Variants in TRAF3 observed in about 807,000 individuals in gnomAD.
TRAF3 encodes the protein TNF receptor associated factor 3, also known as TNF receptor-associated factor 3.
In TRAF3, 13 loss-of-function variants were observed where a neutral mutation model predicts 62.3. The observed-to-expected ratio is 0.21, with a 90% CI of 0.14 to 0.33. The LOEUF is 0.33. Ranked by LOEUF, TRAF3 falls within the 10% of genes least tolerant of loss-of-function variation. The pLI is 1.00. For synonymous variants in TRAF3, 269 were observed against 283.4 expected, an observed-to-expected ratio of 0.95 and a Z score of 0.51; for missense variants, 440 against 741.8, an observed-to-expected ratio of 0.59 and a Z score of 4.73.
Position 102,826,087 on chromosome 14 carries a change from C to T in TRAF3, c.-156-4247C>T, listed in dbSNP as rs1900293041. On this transcript the variant is annotated intron_variant, in intron 1 of 11. Coordinates refer to ENST00000392745, the MANE Select transcript of TRAF3 (RefSeq NM_145725.3). The surrounding 1 kb of genome is among the most constrained non-coding windows in gnomAD (Gnocchi z 4.6). ...AAAAGTTTTTCTGTAACTCGAATCC[C>T]TCCCACCCCCGTGAGGTAACAACGT... Among the ~76,000 whole-genome samples, 2 of 152,204 alleles carry T rather than the reference C, an allele frequency of 1.3e-5. No individual in the cohort carries two copies. Among genetic ancestry groups the T allele is most frequent in the Admixed American group, 1.3e-4 (2 of 15,278 alleles).
chr14:102,891,245 T>C (rs767276346), intron 8 of TRAF3, 80 bp from the exon 9 acceptor site: 24 of 1,327,912 alleles, frequency 1.8e-5, no homozygotes, highest in Non-Finnish European at 2.5e-5. Flanking sequence ...TTAGTGCTGC[T>C]TTTAGGGTCG....
In TRAF3 at chr14:102,782,681, TC is replaced by T. The variant is rs756565736; in HGVS notation, c.-157+5008del. On this transcript the variant is annotated intron_variant, in intron 1 of 11. Coordinates refer to ENST00000392745, the MANE Select transcript of TRAF3 (RefSeq NM_145725.3). The stretch of plus-strand genomic sequence containing the variant: ...AATTTACTTTTTTACTACGATTTGT[TC>T]CATGCTGATTTCGAGCATTAAAAAA... Among the ~76,000 whole-genome samples, 224 of 150,756 alleles carry T rather than the reference TC, an allele frequency of 1.5e-3. 1 individual carries two copies. Among genetic ancestry groups the T allele is most frequent in the Non-Finnish European group, 2.6e-3 (173 of 67,672 alleles).
At chr14:102,885,643 T>C (rs1043302395) in intron 6 of TRAF3, among the ~76,000 whole-genome samples, 3 of 152,224 alleles carry the variant, frequency 2.0e-5, no homozygotes, top group Admixed American at 2.0e-4. Context: ...CTAAAGATAA[T>C]GTAGATTAAG....
At chr14:102,802,235 AC>A (rs1431100307) in intron 1 of TRAF3, among the ~76,000 whole-genome samples, 1 of 133,952 alleles carries the variant, frequency 7.5e-6, no homozygotes, top group Non-Finnish European at 1.6e-5. Flanking sequence ...GCTCACTGCA[AC>A]CTCCGCCTCC....
At chr14:102,837,150 T>TG (rs35123618) in intron 2 of TRAF3, among the ~76,000 whole-genome samples, 31,026 of 140,642 alleles carry the variant, frequency 0.22, 4,384 homozygotes, top group Non-Finnish European at 0.31. Context: ...GTGTTTTTTT[T>TG]GGGGGGGGGT....
intron 6 of TRAF3, 66 bp downstream of exon 6, chr14:102,876,591 C>T (rs185573140): frequency 4.2e-5 from 66 of 1,574,920 alleles, no homozygotes; most frequent in African/African-American, 1.2e-4. Context: ...ACAGGCCTTC[C>T]GCTCAATTCG....
At chr14:102,828,564 C>T (rs1277873215) in intron 1 of TRAF3, among the ~76,000 whole-genome samples, 1 of 152,190 alleles carries the variant, frequency 6.6e-6, no homozygotes, top group Non-Finnish European at 1.5e-5. Context: ...ATTTTGTTTT[C>T]ATCTCTGTGT....
intron 10 of TRAF3, among the ~76,000 whole-genome samples, 200 bp downstream of exon 10, chr14:102,897,601 G>A (rs1006895509): frequency 1.3e-5 from 2 of 152,160 alleles, no homozygotes; most frequent in Non-Finnish European, 2.9e-5. Context: ...GCAGGTCAGC[G>A]TTTTCAAACT....
intron 1 of TRAF3, among the ~76,000 whole-genome samples, chr14:102,783,883 C>T (rs1192488805): frequency 6.6e-6 from 1 of 152,134 alleles, no homozygotes; most frequent in Non-Finnish European, 1.5e-5. Flanking sequence ...AATGGGGCTA[C>T]TAGCACCAGG....
intron 10 of TRAF3, among the ~76,000 whole-genome samples, chr14:102,902,092 A>G (rs1239263721): frequency 6.6e-6 from 1 of 152,254 alleles, no homozygotes; most frequent in Non-Finnish European, 1.5e-5. Context: ...CCACCCCTCC[A>G]GGTAGTGACA....
chr14:102,823,769 C>G (rs563354855), intron 1 of TRAF3, among the ~76,000 whole-genome samples: 5 of 152,264 alleles, frequency 3.3e-5, no homozygotes, highest in Admixed American at 1.3e-4. Flanking sequence ...ATACAATTAC[C>G]TATTTAAAGT....
At chr14:102,846,638 T>TAAAAAAAAAAAAAAAAAAAAAAAAAAA (rs752922791) in intron 2 of TRAF3, among the ~76,000 whole-genome samples, 4 of 71,786 alleles carry the variant, frequency 5.6e-5, no homozygotes, top group African/African-American at 2.5e-4. Context: ...TCCAGCTTCT[T>TAAAAAAAAAAAAAAAAAAAAAAAAAAA]AAAAAAAAAA....
At chr14:102,784,630 A>G (rs889969066) in intron 1 of TRAF3, among the ~76,000 whole-genome samples, 1 of 152,200 alleles carries the variant, frequency 6.6e-6, no homozygotes, top group African/African-American at 2.4e-5. Flanking sequence ...TGCTAAAGCT[A>G]AAAAGTCAGA....
intron 2 of TRAF3, among the ~76,000 whole-genome samples, chr14:102,849,657 T>G (rs1886920902): frequency 6.6e-6 from 1 of 152,192 alleles, no homozygotes; most frequent in South Asian, 2.1e-4. Context: ...TGTGTGACTG[T>G]GTTCTGCCTG....
chr14:102,852,509 A>C (rs1887104879), intron 2 of TRAF3, among the ~76,000 whole-genome samples: 1 of 152,040 alleles, frequency 6.6e-6, no homozygotes, highest in Non-Finnish European at 1.5e-5. Flanking sequence ...ATTTCTCCTT[A>C]ATTCTCTGCA....
At chr14:102,796,981 G>C (rs778899967) in intron 1 of TRAF3, among the ~76,000 whole-genome samples, 2 of 152,156 alleles carry the variant, frequency 1.3e-5, no homozygotes, top group African/African-American at 4.8e-5. Flanking sequence ...CTTTCTGTCA[G>C]AATGTAGTGG....
intron 10 of TRAF3, among the ~76,000 whole-genome samples, chr14:102,898,893 C>T (rs1890135655): frequency 6.6e-6 from 1 of 152,180 alleles, no homozygotes; most frequent in Non-Finnish European, 1.5e-5. Context: ...GCCAAGTTGC[C>T]AAGGGCAGAG....
In TRAF3 at chr14:102,886,357, G is replaced by A. The variant is rs144702737; in HGVS notation, c.651+88G>A. The A allele has an allele frequency of 3.0e-4, 350 of 1,180,794 alleles. 1 individual carries two copies. The African/African-American group carries it at 4.3e-3, about 14-fold the overall frequency. 73.1% of individuals were successfully genotyped at this position (1,180,794 alleles called of 1,614,324 possible). A position where few individuals can be genotyped will look rare whatever the true frequency, so the allele number is the denominator to read the frequency against. On this transcript the variant is annotated intron_variant, in intron 7 of 11. Transcript: ENST00000392745. The stretch of plus-strand genomic sequence containing the variant: ...CTTCCCTGCATAGCCGAAGCCTCAC[G>A]TTTTCCCAGTTCGTGAGAGTCATGT...
At chr14:102,818,502 A>C (rs977954070) in intron 1 of TRAF3, among the ~76,000 whole-genome samples, 2 of 152,144 alleles carry the variant, frequency 1.3e-5, no homozygotes, top group African/African-American at 4.8e-5. Flanking sequence ...TTGATTTGAG[A>C]TGAGTAGTTT....
Sources: allele counts gnomAD v4.1 joint callset (sites outside exome capture counted in the v4.1 genomes callset), GRCh38; gene constraint gnomAD v4.1.1; non-coding constraint Gnocchi (gnomAD v3.1); transcripts MANE v1.5; gene names NCBI Gene and HGNC (gene_info 2026-07-23, HGNC 2026-07-21).